The following FAM117A variants were observed in gnomAD, a reference collection of about 807,000 sequenced individuals.
FAM117A encodes family with sequence similarity 117 member A.
In FAM117A, 21 loss-of-function variants were observed where a neutral mutation model predicts 44.1. The ratio of observed to expected loss-of-function variants is 0.48; its 90% CI spans 0.34 to 0.69. The LOEUF (loss-of-function observed/expected upper bound fraction) is 0.69, where lower values mean the gene tolerates loss of function less well. FAM117A is among the 30% of genes least tolerant of loss of function. The pLI is 0.01. For missense variants in FAM117A, 498 were observed against 589.9 expected (o/e 0.84, Z 1.61); for synonymous variants, 220 against 238.3 (o/e 0.92, Z 0.71).
chr17:49,786,486 G>A lies in FAM117A; in HGVS notation c.-621+2011C>T, dbSNP rs542506009. Among the ~76,000 whole-genome samples the A allele has an allele frequency of 1.1e-4, 16 of 152,260 alleles. No individual in the cohort carries two copies. The South Asian group carries it at 1.2e-3, about 12-fold the overall frequency. On this transcript the variant is annotated intron_variant, in intron 1 of 7. Transcript: ENST00000513602. Reference sequence around the variant, plus strand: ...ACGAGGTTTGAGCACCATTGGAAAGGATGGTATGAGCCAGGCGCAGTGGCT... The same window carrying A: ...ACGAGGTTTGAGCACCATTGGAAAGAATGGTATGAGCCAGGCGCAGTGGCT...
chr17:49,755,906 T>C (rs2073696857), intron 1 of FAM117A, among the ~76,000 whole-genome samples: 1 of 152,184 alleles, frequency 6.6e-6, no homozygotes, highest in South Asian at 2.1e-4. Context: ...ACACTCCCCA[T>C]CTGCCCTGGT....
At chr17:49,719,366 G>A (rs2073521934) in intron 5 of FAM117A, among the ~76,000 whole-genome samples, 1 of 152,220 alleles carries the variant, frequency 6.6e-6, no homozygotes, top group South Asian at 2.1e-4. Flanking sequence ...CATGAAGGAG[G>A]CATGCGTGTT....
chr17:49,788,919 C>T, upstream of FAM117A: 1 of 1,420,112 alleles, frequency 7.0e-7, no homozygotes, highest in Non-Finnish European at 9.5e-7. Context: ...CGCAGTTGGC[C>T]ACGCCTCACA....
At chr17:49,750,913 T>C (rs1567833882) in intron 1 of FAM117A, among the ~76,000 whole-genome samples, 1 of 152,240 alleles carries the variant, frequency 6.6e-6, no homozygotes, top group Non-Finnish European at 1.5e-5. Context: ...GAAACAGCTT[T>C]ATCATACAGA....
chr17:49,772,028 A>G (rs1045067814), intron 1 of FAM117A, among the ~76,000 whole-genome samples: 1 of 152,172 alleles, frequency 6.6e-6, no homozygotes, highest in African/African-American at 2.4e-5. Context: ...ACGGTGGCTC[A>G]CACCTGTAAT....
At chr17:49,760,417 A>C (rs8075495) in intron 1 of FAM117A, among the ~76,000 whole-genome samples, 1 of 152,002 alleles carries the variant, frequency 6.6e-6, no homozygotes. Flanking sequence ...ACAACTCTTC[A>C]CTCCACCACC....
intron 1 of FAM117A, among the ~76,000 whole-genome samples, chr17:49,735,783 C>T (rs1382416202): frequency 6.6e-6 from 1 of 152,100 alleles, no homozygotes; most frequent in East Asian, 1.9e-4. Flanking sequence ...TATTTTTGAA[C>T]ATTTGAGGGA....
chr17:49,715,908 A>G (rs1240471163), intron 7 of FAM117A, among the ~76,000 whole-genome samples: 1 of 152,220 alleles, frequency 6.6e-6, no homozygotes, highest in Non-Finnish European at 1.5e-5. Context: ...TAGGTTTCAG[A>G]TATATTTTCT....
chr17:49,713,924 G>T (rs565397317), intron 7 of FAM117A, among the ~76,000 whole-genome samples: 4 of 152,174 alleles, frequency 2.6e-5, no homozygotes, highest in South Asian at 4.1e-4. Context: ...GGCCCACGTG[G>T]TGGGTGTGTT....
At chr17:49,775,274 C>A (rs2073772658) in intron 1 of FAM117A, among the ~76,000 whole-genome samples, 1 of 152,196 alleles carries the variant, frequency 6.6e-6, no homozygotes, top group African/African-American at 2.4e-5. Context: ...AGGCATGAGC[C>A]ACTGCGCCCG....
intron 1 of FAM117A, chr17:49,733,067 C>G (rs1377279937): frequency 1.8e-5 from 4 of 226,832 alleles, no homozygotes; most frequent in Non-Finnish European, 3.6e-5. Context: ...TGTTTCCCAT[C>G]ATTAAAGATA....
intron 1 of FAM117A, among the ~76,000 whole-genome samples, chr17:49,781,384 C>T (rs1416820154): frequency 6.6e-6 from 1 of 152,092 alleles, no homozygotes; most frequent in Non-Finnish European, 1.5e-5. Context: ...ACACTTAGTT[C>T]TGGAAACAAT....
At chr17:49,760,275 T>C (rs977041451) in intron 1 of FAM117A, among the ~76,000 whole-genome samples, 1 of 152,230 alleles carries the variant, frequency 6.6e-6, no homozygotes, top group South Asian at 2.1e-4. Flanking sequence ...CTGAGGTTTA[T>C]ATTACACACA....
chr17:49,715,358 C>T (rs1423347676), intron 7 of FAM117A, among the ~76,000 whole-genome samples: 1 of 152,162 alleles, frequency 6.6e-6, no homozygotes, highest in Non-Finnish European at 1.5e-5. Flanking sequence ...AATCCAGTCC[C>T]AGCTACATCT....
At chr17:49,738,209 G>A (rs2073618832) in intron 1 of FAM117A, among the ~76,000 whole-genome samples, 1 of 152,064 alleles carries the variant, frequency 6.6e-6, no homozygotes, top group African/African-American at 2.4e-5. Context: ...AATCATAGGT[G>A]GTACTTTGCT....
At chr17:49,768,641 G>C (rs2073752039), upstream of FAM117A, among the ~76,000 whole-genome samples, 1 of 152,084 alleles carries the variant, frequency 6.6e-6, no homozygotes, top group Non-Finnish European at 1.5e-5. Flanking sequence ...GAGGAAATGG[G>C]GTCAGAACTG....
At chr17:49,787,990 C>G (rs189606395) in intron 1 of FAM117A, among the ~76,000 whole-genome samples, 78 of 152,300 alleles carry the variant, frequency 5.1e-4, no homozygotes, top group Non-Finnish European at 1.0e-3. Flanking sequence ...CCAGTGGTCT[C>G]AAACCCAAAC....
At chr17:49,729,865 CCCTT>C (rs2073577541) in intron 2 of FAM117A, among the ~76,000 whole-genome samples, 1 of 152,180 alleles carries the variant, frequency 6.6e-6, no homozygotes, top group East Asian at 1.9e-4. Flanking sequence ...CTGCCACCCT[CCCTT>C]CCCTCTTCCC....
upstream of FAM117A, among the ~76,000 whole-genome samples, chr17:49,768,200 G>A (rs1307679621): frequency 6.6e-6 from 1 of 152,114 alleles, no homozygotes; most frequent in Non-Finnish European, 1.5e-5. Context: ...GGGGACTTCT[G>A]GCAGATCAGA....
Sources: allele counts gnomAD v4.1 joint callset (sites outside exome capture counted in the v4.1 genomes callset), GRCh38; gene constraint gnomAD v4.1.1; transcripts MANE v1.5; gene names NCBI Gene and HGNC (gene_info 2026-07-23, HGNC 2026-07-21).